Variants in BEND5 observed in about 807,000 individuals in gnomAD.
BEND5 encodes BEN domain-containing protein 5.
Under a neutral mutation model 43.9 loss-of-function variants are expected in BEND5, and 22 were observed. The observed-to-expected ratio is 0.50, with a 90% CI of 0.36 to 0.72. The LOEUF is 0.72. BEND5 is among the 30% of genes least tolerant of loss of function. BEND5 has a pLI of 0.00. For synonymous variants in BEND5, 228 were observed against 225.9 expected, an observed-to-expected ratio of 1.01 and a Z score of -0.08; for missense variants, 428 against 550.6, an observed-to-expected ratio of 0.78 and a Z score of 2.23.
chr1:48,754,452 G>A (rs1348250340), intron 3 of BEND5, among the ~76,000 whole-genome samples: 1 of 152,118 alleles, frequency 6.6e-6, no homozygotes, highest in African/African-American at 2.4e-5. Context: ...ACTGTTCACT[G>A]AATAAAATAA....
In BEND5 at chr1:48,761,562, A is replaced by G. The variant is rs994654732; in HGVS notation, c.227-92T>C. 3.8e-6 allele frequency: 5 copies of G among 1,321,632 alleles called. No individual in the cohort carries two copies. In the East Asian group the frequency reaches 1.0e-4, roughly 27 times the overall value. The allele number at this position is 1,321,632 out of a possible 1,614,324, so 81.9% of individuals were successfully genotyped here. ...CCCAAAACCTCAAATGCTAGAAAAT[A>G]ATTGAGGCCAGACCAGTTAAAAAGG... is the stretch of plus-strand genomic sequence containing the variant. On this transcript the variant is annotated intron_variant, in intron 1 of 5. Coordinates refer to ENST00000371833, the MANE Select transcript of BEND5 (RefSeq NM_024603.4).
intron 5 of BEND5, among the ~76,000 whole-genome samples, chr1:48,729,077 T>G (rs1025617927): frequency 2.6e-5 from 4 of 152,298 alleles, no homozygotes; most frequent in African/African-American, 9.6e-5. Flanking sequence ...GATTCCTCAC[T>G]TCATAAATAA....
In BEND5 at chr1:48,758,923, A is replaced by C; in HGVS notation, c.722T>G (p.Val241Gly). 2 of 1,542,172 alleles carry C rather than the reference A, an allele frequency of 1.3e-6. No individual in the cohort carries two copies. Among genetic ancestry groups the C allele is most frequent in the Non-Finnish European group, 8.7e-7 (1 of 1,146,712 alleles). Residue 241 changes from valine (V) to glycine (G), a missense_variant, in exon 3 of 6, where the codon GTG becomes GGG. Val to Gly is a moderately radical substitution (Grantham distance 109, BLOSUM62 -3). Around this residue, in one of 4 missense-constraint regions of BEND5, gnomAD observed 243 missense variants for 286.4 expected, o/e 0.85. Transcript: ENST00000371833. ...ACCGCTGCCAAGCCGCAGGAGCAGCACGTCCTGGAGCCTCCGGTTAAGGTC... is the reference window on the plus strand; with the variant it reads ...ACCGCTGCCAAGCCGCAGGAGCAGCCCGTCCTGGAGCCTCCGGTTAAGGTC... ...LRDLNRRLQD[V>G]LLLRLGSGPA...
chr1:48,759,060 T>C lies in BEND5; in HGVS notation c.585A>G (p.Glu195=), dbSNP rs771604369. 2 of 1,613,660 alleles carry C rather than the reference T, an allele frequency of 1.2e-6. No individual in the cohort carries two copies. Among genetic ancestry groups the C allele is most frequent in the Non-Finnish European group, 1.7e-6 (2 of 1,179,862 alleles). The part of the protein sequence containing the change: ...ELLRNYQQQQ[E]EMRHLQQELE... ...GCTCCTGCTGGAGGTGGCGCATCTC[T>C]TCCTGTTGCTGCTGGTAGTTGCGCA... is the stretch of plus-strand genomic sequence containing the variant. Residue 195 remains glutamate, a synonymous_variant, in exon 3 of 6, where the codon GAA becomes GAG. Coordinates refer to ENST00000371833, the MANE Select transcript of BEND5 (RefSeq NM_024603.4).
chr1:48,736,505 G>T lies in BEND5; in HGVS notation c.895-53C>A. 1.3e-6 allele frequency: 2 copies of T among 1,497,558 alleles called. No individual in the cohort carries two copies. Among genetic ancestry groups the T allele is most frequent in the East Asian group, 4.5e-5 (2 of 44,192 alleles). The allele number at this position is 1,497,558 out of a possible 1,614,324, so 92.8% of individuals were successfully genotyped here. A position where few individuals can be genotyped will look rare whatever the true frequency, so the allele number is the denominator to read the frequency against. On this transcript the variant is annotated intron_variant, in intron 4 of 5. Coordinates refer to ENST00000371833, the MANE Select transcript of BEND5 (RefSeq NM_024603.4). This position sits in a 1 kb window ranked among gnomAD's most constrained non-coding sequence, Gnocchi z 4.0. ...GTTTAGTCCGACAGGAGGGCAGTGG[G>T]AGGCTTCTCTTGTCCTTTAAAAAGC...
At chr1:48,734,261 T>C (rs1570407634) in intron 5 of BEND5, among the ~76,000 whole-genome samples, 1 of 152,178 alleles carries the variant, frequency 6.6e-6, no homozygotes, top group South Asian at 2.1e-4. Flanking sequence ...TCGGCGGGTG[T>C]GTGTTTGAAT....
In BEND5 at chr1:48,758,963, T is replaced by C; in HGVS notation, c.682A>G (p.Met228Val). 6.2e-7 allele frequency: 1 copy of C among 1,606,136 alleles called. No individual in the cohort carries two copies. Among genetic ancestry groups the C allele is most frequent in the African/African-American group, 1.3e-5 (1 of 74,634 alleles). ...CGGTTAAGGTCACGGAGCTCCTTCA[T>C]TTCAGACACAAGTGCCCCGTACTCC... ...LKEYGALVSE[M>V]KELRDLNRRL... The change falls in exon 3 of 6, where the codon ATG becomes GTG. Residue 228 changes from methionine to valine, a missense_variant. This residue lies in a region of BEND5 where 243 missense variants were observed against 286.4 expected (regional missense o/e 0.85). Coordinates refer to ENST00000371833, the MANE Select transcript of BEND5 (RefSeq NM_024603.4).
At chr1:48,745,410 A>G (rs1650580717) in intron 3 of BEND5, among the ~76,000 whole-genome samples, 1 of 152,190 alleles carries the variant, frequency 6.6e-6, no homozygotes, top group South Asian at 2.1e-4. Context: ...GGGCTCTGCT[A>G]TCACACTGTC....
At chr1:48,751,732 GA>G (rs1326928917) in intron 3 of BEND5, among the ~76,000 whole-genome samples, 1 of 152,198 alleles carries the variant, frequency 6.6e-6, no homozygotes, top group Non-Finnish European at 1.5e-5. Flanking sequence ...TGACAATGGG[GA>G]AAAGCCTAAC....
Position 48,759,109 on chromosome 1 carries a change from G to A in BEND5, c.536C>T (p.Pro179Leu). The A allele has an allele frequency of 1.2e-6, 2 of 1,612,108 alleles. No homozygotes were observed. Among genetic ancestry groups the A allele is most frequent in the Non-Finnish European group, 1.7e-6 (2 of 1,178,892 alleles). Reference protein sequence around the residue: ...DMDSLEDAVVPRALYEELLRN... With the variant: ...DMDSLEDAVVLRALYEELLRN... ...CAGCAGCTCCTCATACAGAGCCCGG[G>A]GCACCACAGCATCTTCTAGACTGTC... is the stretch of plus-strand genomic sequence containing the variant. Residue 179 changes from proline (P) to leucine (L), a missense_variant, in exon 3 of 6, where the codon CCC (proline) becomes CTC (leucine). By Grantham distance (98) the Pro-to-Leu change is moderately conservative. Coordinates refer to ENST00000371833, the MANE Select transcript of BEND5 (RefSeq NM_024603.4).
chr1:48,756,134 C>A (rs564201966), intron 3 of BEND5, among the ~76,000 whole-genome samples: 3 of 152,272 alleles, frequency 2.0e-5, no homozygotes, highest in African/African-American at 7.2e-5. Flanking sequence ...ATTATCATTC[C>A]CATTTTACAT....
chr1:48,744,618 C>A (rs1650439928), intron 3 of BEND5, among the ~76,000 whole-genome samples: 1 of 152,194 alleles, frequency 6.6e-6, no homozygotes, highest in Admixed American at 6.5e-5. Flanking sequence ...AGAGGCTGGA[C>A]AACAGAATGA....
chr1:48,729,417 G>T (rs1007500685), intron 5 of BEND5, among the ~76,000 whole-genome samples: 1 of 152,192 alleles, frequency 6.6e-6, no homozygotes, highest in African/African-American at 2.4e-5. Flanking sequence ...GACTCTTTGA[G>T]CCTGAGTTTT....
chr1:48,744,931 A>C (rs2148606341), intron 3 of BEND5, among the ~76,000 whole-genome samples: 1 of 152,332 alleles, frequency 6.6e-6, no homozygotes, highest in African/African-American at 2.4e-5. Flanking sequence ...CCAAGCACCC[A>C]GTTAGACTTT....
intron 4 of BEND5, among the ~76,000 whole-genome samples, chr1:48,740,742 T>A (rs1165083468): frequency 1.3e-5 from 2 of 152,168 alleles, no homozygotes; most frequent in Non-Finnish European, 2.9e-5. Flanking sequence ...AGGCCTCTGA[T>A]CGTGCAGACA....
At chr1:48,742,794 CTG>C (rs1167259168) in intron 3 of BEND5, 23 bp from the exon 4 acceptor site, 16 of 1,510,264 alleles carry the variant, frequency 1.1e-5, no homozygotes, top group Non-Finnish European at 1.4e-5. Flanking sequence ...GAAAAGAAAT[CTG>C]TCTAGAACTC....
chr1:48,765,116 A>G (rs1644466840), intron 1 of BEND5, among the ~76,000 whole-genome samples: 1 of 152,312 alleles, frequency 6.6e-6, no homozygotes, highest in Non-Finnish European at 1.5e-5. Flanking sequence ...ACACATCTAC[A>G]CATCCTACCT....
intron 5 of BEND5, among the ~76,000 whole-genome samples, chr1:48,729,878 T>G (rs1647823696): frequency 6.6e-6 from 1 of 152,156 alleles, no homozygotes; most frequent in African/African-American, 2.4e-5. Context: ...CATCTTGTCT[T>G]GGCCTTTCCA....
chr1:48,747,918 TTTTC>T (rs770356859), intron 3 of BEND5, among the ~76,000 whole-genome samples: 54 of 152,366 alleles, frequency 3.5e-4, no homozygotes, highest in East Asian at 2.3e-3. Flanking sequence ...TTCGATTCTT[TTTTC>T]TTTCTTTCTT....
Sources: gnomAD v4.1 joint callset for allele counts (sites outside exome capture counted in the v4.1 genomes callset) on GRCh38, gnomAD v4.1.1 for gene constraint, gnomAD v4.1.1 regional missense constraint, Gnocchi (gnomAD v3.1) non-coding constraint, MANE v1.5 for transcripts, NCBI Gene and HGNC (gene_info 2026-07-23, HGNC 2026-07-21) for gene names.